ZCWPW2: variants seen among roughly 807,000 people sequenced by gnomAD.
ZCWPW2 encodes zinc finger CW-type PWWP domain protein 2.
Under a neutral mutation model 46.6 loss-of-function variants are expected in ZCWPW2, and 45 were observed. That is an observed-to-expected ratio of 0.96 (90% CI 0.76 to 1.24). The LOEUF (loss-of-function observed/expected upper bound fraction) is 1.24. ZCWPW2 is among the 50% of genes most tolerant of loss of function. The pLI is 0.00. For missense variants in ZCWPW2, 429 were observed against 403.9 expected (o/e 1.06, Z -0.53); for synonymous variants, 152 against 137.1 (o/e 1.11, Z -0.76).
intron 2 of ZCWPW2, among the ~76,000 whole-genome samples, chr3:28,392,993 G>A (rs756119065): frequency 2.6e-5 from 4 of 151,782 alleles, no homozygotes; most frequent in Non-Finnish European, 4.4e-5. Context: ...AAGATCAAAG[G>A]AGAGAAGATC....
intron 5 of ZCWPW2, among the ~76,000 whole-genome samples, chr3:28,486,958 T>C (rs1434128120): frequency 6.6e-6 from 1 of 152,102 alleles, no homozygotes; most frequent in Admixed American, 6.5e-5. Flanking sequence ...CTTTTATCGA[T>C]TGCATGGTTT....
chr3:28,351,864 A>G (rs1233263937), intron 1 of ZCWPW2, among the ~76,000 whole-genome samples: 1 of 152,046 alleles, frequency 6.6e-6, no homozygotes, highest in Admixed American at 6.6e-5. Flanking sequence ...TTTCATGTTC[A>G]TATCAGCTTC....
At chr3:28,468,864 A>G (rs1698930831) in intron 4 of ZCWPW2, among the ~76,000 whole-genome samples, 1 of 152,218 alleles carries the variant, frequency 6.6e-6, no homozygotes, top group Non-Finnish European at 1.5e-5. Flanking sequence ...GAGCAATACA[A>G]CATCATCTGA....
intron 5 of ZCWPW2, among the ~76,000 whole-genome samples, chr3:28,488,597 A>G (rs1296815437): frequency 1.3e-5 from 2 of 152,180 alleles, no homozygotes; most frequent in Non-Finnish European, 2.9e-5. Flanking sequence ...TCTCCCTAAT[A>G]TGGTTGTAAG....
At chr3:28,377,372 CTT>C (rs1363334510) in intron 1 of ZCWPW2, among the ~76,000 whole-genome samples, 6 of 152,054 alleles carry the variant, frequency 3.9e-5, no homozygotes, top group Admixed American at 3.3e-4. Context: ...CGTTATTACT[CTT>C]TGTTAGGATT....
At chr3:28,464,141 TTA>T (rs373111694) in intron 4 of ZCWPW2, among the ~76,000 whole-genome samples, 53 of 152,240 alleles carry the variant, frequency 3.5e-4, no homozygotes, top group Non-Finnish European at 6.3e-4. Flanking sequence ...TTATTATTTT[TTA>T]TTTTTTTGAA....
At chr3:28,380,974 G>GTTAT (rs1559480744) in intron 1 of ZCWPW2, among the ~76,000 whole-genome samples, 1 of 2,334 alleles carries the variant, frequency 4.3e-4, no homozygotes, top group African/African-American at 2.0e-3. Flanking sequence ...ATATATATTT[G>GTTAT]GTATATATAT....
chr3:28,523,217 C>A (rs887390052), intron 9 of ZCWPW2, among the ~76,000 whole-genome samples: 38 of 152,046 alleles, frequency 2.5e-4, no homozygotes, highest in African/African-American at 8.2e-4. Flanking sequence ...CAGGTGAGTG[C>A]CTCCTGGTTA....
intron 4 of ZCWPW2, among the ~76,000 whole-genome samples, chr3:28,471,229 G>T (rs1699030362): frequency 6.6e-6 from 1 of 152,148 alleles, no homozygotes; most frequent in Non-Finnish European, 1.5e-5. Flanking sequence ...AATAGAAGTG[G>T]AGGGAATACT....
chr3:28,353,060 G>A (rs1278044096), intron 1 of ZCWPW2, among the ~76,000 whole-genome samples: 1 of 151,946 alleles, frequency 6.6e-6, no homozygotes, highest in African/African-American at 2.4e-5. Context: ...GCTCACTCCT[G>A]TAGTCCCAGC....
At chr3:28,491,370 C>T (rs1699806068) in intron 5 of ZCWPW2, among the ~76,000 whole-genome samples, 1 of 152,100 alleles carries the variant, frequency 6.6e-6, no homozygotes, top group Admixed American at 6.6e-5. Context: ...CACATACATA[C>T]TTTAGCACAT....
At chr3:28,352,167 C>CACGA (rs143184926) in intron 1 of ZCWPW2, among the ~76,000 whole-genome samples, 28,429 of 147,626 alleles carry the variant, frequency 0.19, 3,060 homozygotes, top group Admixed American at 0.27. Context: ...CACACACACA[C>CACGA]GAGAGAGAAT....
At chr3:28,460,413 A>G (rs1698586453) in intron 4 of ZCWPW2, among the ~76,000 whole-genome samples, 1 of 152,188 alleles carries the variant, frequency 6.6e-6, no homozygotes, top group South Asian at 2.1e-4. Context: ...CAAGTCAGTA[A>G]TAGTTTTTAA....
At chr3:28,389,795 G>A (rs768898224) in intron 1 of ZCWPW2, among the ~76,000 whole-genome samples, 7 of 152,136 alleles carry the variant, frequency 4.6e-5, no homozygotes, top group Non-Finnish European at 8.8e-5. Context: ...GGAGGCCAGT[G>A]GGCTGGAGAC....
intron 4 of ZCWPW2, among the ~76,000 whole-genome samples, chr3:28,448,965 C>T (rs964253030): frequency 4.6e-5 from 7 of 151,990 alleles, no homozygotes; most frequent in Non-Finnish European, 7.4e-5. Context: ...ATAGCCAAAA[C>T]AATCTTGAAG....
At chr3:28,425,632 G>T (rs13095628) in intron 3 of ZCWPW2, among the ~76,000 whole-genome samples, 3 of 151,962 alleles carry the variant, frequency 2.0e-5, no homozygotes, top group African/African-American at 7.3e-5. Flanking sequence ...TTGACTCTCT[G>T]TAATAAAGCT....
chr3:28,512,200 C>T (rs1456682145), intron 6 of ZCWPW2, among the ~76,000 whole-genome samples: 1 of 150,202 alleles, frequency 6.7e-6, no homozygotes, highest in East Asian at 2.0e-4. Context: ...TTTCTTGAGA[C>T]AGAATCTTGC....
intron 1 of ZCWPW2, among the ~76,000 whole-genome samples, chr3:28,382,548 A>G (rs1159585941): frequency 6.6e-6 from 1 of 152,194 alleles, no homozygotes; most frequent in African/African-American, 2.4e-5. Flanking sequence ...CAAACAATTC[A>G]GCTGATAATA....
intron 1 of ZCWPW2, among the ~76,000 whole-genome samples, chr3:28,385,590 C>A (rs1695241248): frequency 6.6e-6 from 1 of 152,186 alleles, no homozygotes; most frequent in African/African-American, 2.4e-5. Context: ...ATTAGACTAG[C>A]ACCAGCTCCT....
Sources: gnomAD v4.1 joint callset for allele counts (sites outside exome capture counted in the v4.1 genomes callset) on GRCh38, gnomAD v4.1.1 for gene constraint, MANE v1.5 for transcripts, NCBI Gene and HGNC (gene_info 2026-07-23, HGNC 2026-07-21) for gene names.